The following PPM1H variants were observed in gnomAD, a reference collection of about 807,000 sequenced individuals.
PPM1H encodes protein phosphatase 1H.
In PPM1H, 27 loss-of-function variants were observed where a neutral mutation model predicts 54.9. The observed-to-expected ratio is 0.49, with a 90% CI of 0.36 to 0.68. The LOEUF (loss-of-function observed/expected upper bound fraction) is 0.68, where lower values mean the gene tolerates loss of function less well. Ranked by LOEUF, PPM1H falls within the 30% of genes least tolerant of loss-of-function variation. The pLI, the probability that PPM1H is intolerant of heterozygous loss-of-function variation, is 0.00. For synonymous variants in PPM1H, 305 were observed against 270.8 expected, an observed-to-expected ratio of 1.13 and a Z score of -1.24; for missense variants, 596 against 667.8, an observed-to-expected ratio of 0.89 and a Z score of 1.19.
intron 1 of PPM1H, among the ~76,000 whole-genome samples, chr12:62,855,045 A>C (rs191836644): frequency 6.6e-6 from 1 of 152,166 alleles, no homozygotes; most frequent in African/African-American, 2.4e-5. Context: ...CAGGAGAGTC[A>C]GCAAAAGCCA....
At chr12:62,733,460 T>C (rs1022910375) in intron 5 of PPM1H, among the ~76,000 whole-genome samples, 4 of 152,192 alleles carry the variant, frequency 2.6e-5, no homozygotes, top group Non-Finnish European at 4.4e-5. Flanking sequence ...GGTTTCACCA[T>C]GTTGGCCAGG....
At chr12:62,748,843 G>A (rs1004977652) in intron 4 of PPM1H, among the ~76,000 whole-genome samples, 3 of 152,146 alleles carry the variant, frequency 2.0e-5, no homozygotes, top group Non-Finnish European at 4.4e-5. Flanking sequence ...TCCACAGTGG[G>A]CTGTTAATTG....
intron 4 of PPM1H, among the ~76,000 whole-genome samples, chr12:62,747,898 G>A (rs970948986): frequency 1.2e-4 from 19 of 152,146 alleles, no homozygotes; most frequent in African/African-American, 4.6e-4. Flanking sequence ...CATGAGGTGG[G>A]AAAGAGAAAG....
intron 4 of PPM1H, among the ~76,000 whole-genome samples, chr12:62,739,090 A>AG (rs71278270): frequency 1.3e-5 from 2 of 151,962 alleles, no homozygotes; most frequent in Non-Finnish European, 2.9e-5. Flanking sequence ...AAAAAAAAAA[A>AG]CAGTGGAAGC....
intron 1 of PPM1H, chr12:62,851,015 A>G (rs559378079): frequency 3.2e-4 from 49 of 152,352 alleles, no homozygotes; most frequent in African/African-American, 6.0e-4. Flanking sequence ...GGAGATATCA[A>G]TATGAAGTCA....
chr12:62,931,896 G>A (rs958615981), intron 1 of PPM1H, among the ~76,000 whole-genome samples: 2 of 152,132 alleles, frequency 1.3e-5, no homozygotes, highest in African/African-American at 4.8e-5. Context: ...TACTGTTAAT[G>A]ACATAGTGTT....
chr12:62,773,894 C>G (rs1451789173), intron 4 of PPM1H, among the ~76,000 whole-genome samples: 2 of 152,174 alleles, frequency 1.3e-5, no homozygotes, highest in East Asian at 3.9e-4. Flanking sequence ...TGAAAATTTT[C>G]TTTATGCTCT....
intron 4 of PPM1H, among the ~76,000 whole-genome samples, chr12:62,745,069 T>TA (rs1357144081): frequency 6.6e-6 from 1 of 152,186 alleles, no homozygotes; most frequent in Non-Finnish European, 1.5e-5. Flanking sequence ...GTTTGGTTGT[T>TA]ACTTTCTGTT....
At chr12:62,733,983 C>G (rs1247147750) in intron 5 of PPM1H, among the ~76,000 whole-genome samples, 1 of 152,140 alleles carries the variant, frequency 6.6e-6, no homozygotes, top group Non-Finnish European at 1.5e-5. Context: ...CCAAAACTCA[C>G]ATGTTGAAGC....
intron 4 of PPM1H, among the ~76,000 whole-genome samples, chr12:62,776,925 C>T (rs1467754248): frequency 6.6e-6 from 1 of 152,220 alleles, no homozygotes; most frequent in Non-Finnish European, 1.5e-5. Context: ...GTAAGGACTG[C>T]TCAGTGAACA....
rs2076256133 is a variant in PPM1H at position 62,720,210 on chromosome 12, C to T, written c.1034G>A (p.Gly345Glu). Residue 345 changes from glycine to glutamate, a missense_variant, in exon 6 of 10, where the codon GGA (glycine) becomes GAA (glutamate). Physicochemically the swap from Gly to Glu is moderately conservative, Grantham distance 98 (BLOSUM62 -2). Coordinates refer to ENST00000228705, the MANE Select transcript of PPM1H (RefSeq NM_020700.2). ...FPRRVQRKEL[G>E]KKMLYRDFNM... ...AAAGTCCCTGTAGAGCATCTTCTTT[C>T]CAAGCTCCTTTCTCTGTACTCTCCT... 6.2e-7 allele frequency: 1 copy of T among 1,613,342 alleles called. No homozygotes were observed. The highest frequency in any genetic ancestry group is 8.5e-7 in the Non-Finnish European group (1 of 1,179,394).
In PPM1H at chr12:62,691,966, G is replaced by A. The variant is rs59844842; in HGVS notation, c.1137+1970C>T. On this transcript the variant is annotated intron_variant, in intron 7 of 9. Transcript: ENST00000228705. ...CTCCTGCTCTCCTCCCTGAAATGGC[G>A]GCTTCTCTGTGTGCTCTTTCCAGCC... 4.6e-3 allele frequency among the ~76,000 whole-genome samples: 698 copies of A among 152,200 alleles called. 4 individuals carry two copies. The highest frequency in any genetic ancestry group is 0.016 in the African/African-American group (656 of 41,514).
intron 4 of PPM1H, among the ~76,000 whole-genome samples, chr12:62,765,733 T>C (rs2076538788): frequency 6.6e-6 from 1 of 152,214 alleles, no homozygotes; most frequent in South Asian, 2.1e-4. Flanking sequence ...AACAGGTGTC[T>C]GCCTGGGATG....
chr12:62,663,714 G>A (rs977734831), intron 9 of PPM1H, among the ~76,000 whole-genome samples: 13 of 152,300 alleles, frequency 8.5e-5, no homozygotes, highest in African/African-American at 2.2e-4. Flanking sequence ...AATTCTTGCC[G>A]GGCGCAGTGG....
At chr12:62,763,760 G>T (rs1030902837) in intron 4 of PPM1H, among the ~76,000 whole-genome samples, 1 of 152,110 alleles carries the variant, frequency 6.6e-6, no homozygotes, top group Non-Finnish European at 1.5e-5. Context: ...TTCATTTTAG[G>T]GGTGAAGCAA....
At chr12:62,766,208 TA>T (rs1207335245) in intron 4 of PPM1H, among the ~76,000 whole-genome samples, 1 of 152,138 alleles carries the variant, frequency 6.6e-6, no homozygotes, top group Non-Finnish European at 1.5e-5. Context: ...TTTAGGCACT[TA>T]GTGGCCTAAG....
At chr12:62,779,034 T>G (rs1445996654) in intron 4 of PPM1H, among the ~76,000 whole-genome samples, 1 of 149,080 alleles carries the variant, frequency 6.7e-6, no homozygotes, top group Non-Finnish European at 1.5e-5. Flanking sequence ...TCTTTTTGTT[T>G]GTTGTTTTTT....
intron 1 of PPM1H, among the ~76,000 whole-genome samples, chr12:62,837,257 A>G (rs1249867150): frequency 6.6e-6 from 1 of 152,228 alleles, no homozygotes; most frequent in Non-Finnish European, 1.5e-5. Flanking sequence ...AAGGACACTC[A>G]TCTGATGACA....
intron 8 of PPM1H, among the ~76,000 whole-genome samples, chr12:62,678,357 A>G (rs892553675): frequency 6.6e-6 from 1 of 152,258 alleles, no homozygotes; most frequent in Non-Finnish European, 1.5e-5. Context: ...ATTATTTTTC[A>G]GGAGGGGATC....
Sources: gnomAD v4.1 joint callset for allele counts (sites outside exome capture counted in the v4.1 genomes callset) on GRCh38, gnomAD v4.1.1 for gene constraint, MANE v1.5 for transcripts, NCBI Gene and HGNC (gene_info 2026-07-23, HGNC 2026-07-21) for gene names.